The following ROR2 variants were observed in gnomAD, a reference collection of about 807,000 sequenced individuals.
ROR2 encodes the protein ROR family WNT receptor 2, also known as tyrosine-protein kinase transmembrane receptor ROR2.
ROR2 carries 33 observed loss-of-function variants against 74.9 expected under a neutral mutation model. That is an observed-to-expected ratio of 0.44 (90% confidence interval 0.33 to 0.59). ROR2 has a LOEUF of 0.59. Among genes scored for constraint, ROR2 ranks in the 20% least tolerant of loss-of-function variants. The pLI, the probability that ROR2 is intolerant of heterozygous loss-of-function variation, is 0.02. For missense variants in ROR2, 1,216 were observed against 1,313.8 expected (o/e 0.93, Z 1.15); for synonymous variants, 586 against 558.7 (o/e 1.05, Z -0.69).
At chr9:91,737,998 AG>A in intron 4 of ROR2, among the ~76,000 whole-genome samples, 1 of 152,110 alleles carries the variant, frequency 6.6e-6, no homozygotes, top group East Asian at 1.9e-4. Flanking sequence ...AGGGGTTATG[AG>A]GGAGGGAGGG....
At chr9:91,887,964 G>A (rs941757097) in intron 1 of ROR2, among the ~76,000 whole-genome samples, 2 of 151,896 alleles carry the variant, frequency 1.3e-5, no homozygotes, top group Non-Finnish European at 2.9e-5. Flanking sequence ...GCTAATTTTT[G>A]TATTTTTAGT....
At chr9:91,947,870 T>C (rs1216513216) in intron 1 of ROR2, among the ~76,000 whole-genome samples, 1 of 152,224 alleles carries the variant, frequency 6.6e-6, no homozygotes, top group Non-Finnish European at 1.5e-5. Flanking sequence ...TCAAATCTCC[T>C]GTAATCATAT....
At chr9:91,902,784 G>A (rs1830706998) in intron 1 of ROR2, among the ~76,000 whole-genome samples, 1 of 152,206 alleles carries the variant, frequency 6.6e-6, no homozygotes, top group South Asian at 2.1e-4. Context: ...ATATCCTTAG[G>A]AATGGAAATC....
intron 1 of ROR2, among the ~76,000 whole-genome samples, chr9:91,780,038 T>C (rs917672594): frequency 6.6e-6 from 1 of 152,214 alleles, no homozygotes; most frequent in African/African-American, 2.4e-5. Flanking sequence ...GCCCGGTTGC[T>C]GTTAAGAGAG....
At chr9:91,943,710 C>G (rs940180543) in intron 1 of ROR2, among the ~76,000 whole-genome samples, 25 of 152,174 alleles carry the variant, frequency 1.6e-4, no homozygotes, top group African/African-American at 5.6e-4. Flanking sequence ...ATTACGGTTT[C>G]TTTTCCCCCA....
intron 2 of ROR2, among the ~76,000 whole-genome samples, chr9:91,763,898 T>C (rs1341971198): frequency 6.6e-6 from 1 of 152,252 alleles, no homozygotes; most frequent in African/African-American, 2.4e-5. Context: ...CACTGAGATA[T>C]GCTCCGCAGA....
At chr9:91,768,436 G>A (rs1826125586) in intron 2 of ROR2, among the ~76,000 whole-genome samples, 1 of 152,168 alleles carries the variant, frequency 6.6e-6, no homozygotes, top group African/African-American at 2.4e-5. Flanking sequence ...CACACCCTGG[G>A]GACAGACAGA....
In ROR2 at chr9:91,927,039, GA is replaced by G. The variant is rs1045352468; in HGVS notation, c.97+22827del. ...TATTTTAATACCAAAATTTTAAAAA[GA>G]AAAAAATAACACGTTTTTTATAAGA... On this transcript the variant is annotated intron_variant, in intron 1 of 8. Transcript: ENST00000375708. 1.5e-3 allele frequency among the ~76,000 whole-genome samples: 232 copies of G among 150,490 alleles called. 2 individuals carry two copies. Among genetic ancestry groups the G allele is most frequent in the African/African-American group, 5.2e-3 (216 of 41,426 alleles).
At chr9:91,892,798 G>T (rs1830454338) in intron 1 of ROR2, among the ~76,000 whole-genome samples, 1 of 151,788 alleles carries the variant, frequency 6.6e-6, no homozygotes, top group East Asian at 1.9e-4. Flanking sequence ...CACCATGTTG[G>T]CCAGGATGGT....
chr9:91,758,693 T>A (rs1300985975), intron 2 of ROR2, among the ~76,000 whole-genome samples: 2 of 152,122 alleles, frequency 1.3e-5, no homozygotes, highest in Non-Finnish European at 2.9e-5. Flanking sequence ...GGGAGCCCAG[T>A]ACAGCCACAG....
At chr9:91,814,391 C>G (rs1053042907) in intron 1 of ROR2, among the ~76,000 whole-genome samples, 1 of 152,134 alleles carries the variant, frequency 6.6e-6, no homozygotes, top group Non-Finnish European at 1.5e-5. Context: ...TCCCCTTACC[C>G]CACGCACACT....
At chr9:91,919,333 A>G (rs80330767) in intron 1 of ROR2, among the ~76,000 whole-genome samples, 8,230 of 152,182 alleles carry the variant, frequency 0.054, 472 homozygotes, top group East Asian at 0.21. Context: ...TCTCTACAAG[A>G]CTCTGCTTTC....
intron 1 of ROR2, among the ~76,000 whole-genome samples, chr9:91,937,029 C>CAAAAAAAAAAAAAAAAAAAAA (rs540672189): frequency 1.5e-5 from 1 of 65,664 alleles, no homozygotes; most frequent in Non-Finnish European, 2.9e-5. Flanking sequence ...GACTCCGTCT[C>CAAAAAAAAAAAAAAAAAAAAA]AAAAAAAAAA....
At chr9:91,732,849 G>A (rs1384315601) in intron 6 of ROR2, among the ~76,000 whole-genome samples, 2 of 152,214 alleles carry the variant, frequency 1.3e-5, no homozygotes, top group Non-Finnish European at 2.9e-5. Context: ...GGCTCAAGCA[G>A]GTGGAGGGAC....
chr9:91,877,253 C>T (rs974749808), intron 1 of ROR2, among the ~76,000 whole-genome samples: 16 of 152,188 alleles, frequency 1.1e-4, no homozygotes, highest in Non-Finnish European at 2.1e-4. Context: ...CTCTTCCCAT[C>T]CCTCTCTATT....
intron 8 of ROR2, among the ~76,000 whole-genome samples, chr9:91,725,426 C>T (rs775837223): frequency 1.1e-4 from 17 of 152,352 alleles, no homozygotes; most frequent in Middle Eastern, 6.8e-3. Flanking sequence ...GACACACACA[C>T]ACACCCTACA....
chr9:91,872,736 T>TAGC (rs905453904), intron 1 of ROR2, among the ~76,000 whole-genome samples: 3 of 152,314 alleles, frequency 2.0e-5, no homozygotes, highest in South Asian at 2.1e-4. Context: ...AGAACTCCCT[T>TAGC]AGCAGCTCTT....
Position 91,726,737 on chromosome 9 carries a change from C to T in ROR2, c.1190G>A (p.Arg397Gln), listed in dbSNP as rs1262889119. The T allele has an allele frequency of 3.1e-6, 5 of 1,614,020 alleles. No individual in the cohort carries two copies. The highest frequency in any genetic ancestry group is 4.2e-6 in the Non-Finnish European group (5 of 1,180,004). Residue 397 changes from arginine (R) to glutamine (Q), a missense_variant, in exon 8 of 9, where the codon CGA becomes CAA. Transcript: ENST00000375708. The part of the protein sequence containing the change: ...ELCDVPSCSP[R>Q]DSSKMGILYI... The stretch of plus-strand genomic sequence containing the variant: ...CAGAATCCCCATCTTGCTGCTGTCT[C>T]GGGGACCTGTGAACAATAAGGCTTT...
At chr9:91,859,345 G>A (rs1829398259) in intron 1 of ROR2, among the ~76,000 whole-genome samples, 1 of 151,714 alleles carries the variant, frequency 6.6e-6, no homozygotes, top group South Asian at 2.1e-4. Flanking sequence ...GGGACTTCAG[G>A]CACGCCACCA....
Sources: allele counts gnomAD v4.1 joint callset (sites outside exome capture counted in the v4.1 genomes callset), GRCh38; gene constraint gnomAD v4.1.1; transcripts MANE v1.5; gene names NCBI Gene and HGNC (gene_info 2026-07-23, HGNC 2026-07-21).